LMO1: variants seen among roughly 807,000 people sequenced by gnomAD.
The protein encoded by LMO1 is LIM domain only 1.
LMO1 carries 10 observed loss-of-function variants against 18.0 expected under a neutral mutation model. The observed-to-expected ratio is 0.55, with a 90% confidence interval of 0.34 to 0.94. The LOEUF is 0.94. LMO1 is among the 40% of genes least tolerant of loss of function. The pLI is 0.02. For missense variants in LMO1, 183 were observed against 205.7 expected (o/e 0.89, Z 0.68); for synonymous variants, 77 against 77.9 (o/e 0.99, Z 0.06).
At chr11:8,257,744 G>A (rs916523584) in intron 1 of LMO1, among the ~76,000 whole-genome samples, 2 of 152,216 alleles carry the variant, frequency 1.3e-5, no homozygotes, top group African/African-American at 4.8e-5. Flanking sequence ...TGGTGATCTG[G>A]ACGTGGGCGA....
rs1360501059 is a variant in LMO1 at position 8,259,775 on chromosome 11, G to T, written c.25+3563C>A. On this transcript the variant is annotated intron_variant, in intron 1 of 3. Coordinates refer to ENST00000335790, the MANE Select transcript of LMO1 (RefSeq NM_002315.3). Reference sequence around the variant, plus strand: ...ACTGGTGGCCCAGCAAGGGCTGGTTGGTACCCAAGCATAGCCATGCGCCGG... The same window carrying T: ...ACTGGTGGCCCAGCAAGGGCTGGTTTGTACCCAAGCATAGCCATGCGCCGG... Among the ~76,000 whole-genome samples the T allele has an allele frequency of 3.9e-5, 6 of 152,214 alleles. No individual in the cohort carries two copies. In the East Asian group the frequency reaches 1.2e-3, roughly 29 times the overall value.
At chr11:8,228,652 C>CAA (rs34483450) in intron 2 of LMO1, among the ~76,000 whole-genome samples, 5 of 135,836 alleles carry the variant, frequency 3.7e-5, no homozygotes, top group Admixed American at 7.5e-5. Flanking sequence ...TCTGCCAGAG[C>CAA]AAAAAAAAAA....
At chr11:8,267,265 C>G (rs907690926), upstream of LMO1, among the ~76,000 whole-genome samples, 8 of 152,116 alleles carry the variant, frequency 5.3e-5, no homozygotes, top group Non-Finnish European at 1.2e-4. Flanking sequence ...CCTTGTGACT[C>G]AAGGGTTTCC....
At chr11:8,224,766 T>G (rs746330414) in intron 3 of LMO1, 45 bp from the exon 4 acceptor site, 1 of 1,325,102 alleles carries the variant, frequency 7.5e-7, no homozygotes, top group African/African-American at 1.5e-5. Context: ...AAGGTCCCAG[T>G]GGGTAAGGGG....
upstream of LMO1, chr11:8,268,639 AG>A (rs879518513): frequency 1.4e-5 from 5 of 346,628 alleles, no homozygotes; most frequent in Non-Finnish European, 2.5e-5. Context: ...GCGCAGGAGG[AG>A]GGACTGGGGG....
intron 1 of LMO1, among the ~76,000 whole-genome samples, chr11:8,252,282 G>A (rs1203099429): frequency 1.3e-5 from 2 of 152,186 alleles, no homozygotes; most frequent in African/African-American, 4.8e-5. Flanking sequence ...TTGTGAAGAT[G>A]AAATGAAAGA....
intron 1 of LMO1, among the ~76,000 whole-genome samples, chr11:8,249,086 G>C (rs990402790): frequency 6.6e-6 from 1 of 152,186 alleles, no homozygotes; most frequent in Non-Finnish European, 1.5e-5. Context: ...GCCCTGCTAC[G>C]GGGAGCTGAG....
chr11:8,230,267 G>C, intron 2 of LMO1, 24 bp downstream of exon 2: 1 of 1,609,048 alleles, frequency 6.2e-7, no homozygotes. Context: ...CAAGGGCTTG[G>C]GAGGCCAGGG....
intron 1 of LMO1, among the ~76,000 whole-genome samples, chr11:8,249,430 C>T (rs1171563031): frequency 6.6e-6 from 1 of 152,204 alleles, no homozygotes; most frequent in Admixed American, 6.5e-5. Flanking sequence ...ACCAAATGGT[C>T]TTAATAAAAT....
upstream of LMO1, among the ~76,000 whole-genome samples, chr11:8,266,036 C>T (rs1460978480): frequency 6.6e-6 from 1 of 152,190 alleles, no homozygotes; most frequent in East Asian, 1.9e-4. Context: ...TTTGGGGAGT[C>T]AGGGCCCTGT....
intron 1 of LMO1, among the ~76,000 whole-genome samples, chr11:8,240,718 C>T (rs1426952711): frequency 6.6e-6 from 1 of 152,070 alleles, no homozygotes; most frequent in African/African-American, 2.4e-5. Context: ...GCCCTCATGA[C>T]CTAATCACCC....
At position 8,228,369 on chromosome 11, in the gene LMO1, C is replaced by A. The variant is rs558489424; in HGVS notation, c.240-1269G>T. Among the ~76,000 whole-genome samples the A allele has an allele frequency of 1.3e-4, 20 of 152,376 alleles. No individual in the cohort carries two copies. The South Asian group carries it at 3.3e-3, about 25-fold the overall frequency. On this transcript the variant is annotated intron_variant, in intron 2 of 3. Coordinates refer to ENST00000335790, the MANE Select transcript of LMO1 (RefSeq NM_002315.3). ...GAAGAGGGTGGGGGGCCCCTTTAAT[C>A]CCCGATTTGTCCAGCTCAAACTCAG...
At chr11:8,225,404 CAAAAAAAAAAAAAAAA>C (rs34847129) in intron 3 of LMO1, among the ~76,000 whole-genome samples, 1 of 34,722 alleles carries the variant, frequency 2.9e-5, no homozygotes, top group Non-Finnish European at 6.4e-5. Flanking sequence ...GACTCCATCT[CAAAAAAAAAAAAAAAA>C]AAAAAAAAAA....
At chr11:8,238,981 C>A (rs909798802) in intron 1 of LMO1, among the ~76,000 whole-genome samples, 5 of 152,196 alleles carry the variant, frequency 3.3e-5, no homozygotes, top group African/African-American at 9.7e-5. Flanking sequence ...GCTGGGCTAA[C>A]CATCTTACAG....
At chr11:8,266,830 C>G (rs1590572362), upstream of LMO1, among the ~76,000 whole-genome samples, 1 of 152,230 alleles carries the variant, frequency 6.6e-6, no homozygotes, top group Non-Finnish European at 1.5e-5. Context: ...CACAATGCAG[C>G]TGCCTCCAAG....
At position 8,263,539 on chromosome 11, in the gene LMO1, C is replaced by T. The variant is rs1046394897; in HGVS notation, c.-177G>A. The T allele has an allele frequency of 2.9e-6, 4 of 1,367,464 alleles. No individual in the cohort carries two copies. In the African/African-American group the frequency reaches 4.6e-5, roughly 16 times the overall value. 84.7% of individuals were successfully genotyped at this position (1,367,464 alleles called of 1,614,324 possible). On this transcript the variant is annotated 5_prime_UTR_variant, in exon 1 of 4. Transcript: ENST00000335790. ...AATTACATTCAGGAGTGAAGCACTT[C>T]GCAGATACAAAAGCAGTCTCACCTA...
intron 1 of LMO1, among the ~76,000 whole-genome samples, chr11:8,236,467 A>C (rs1952761975): frequency 6.6e-6 from 1 of 151,724 alleles, no homozygotes; most frequent in Non-Finnish European, 1.5e-5. Context: ...CAACTTCCCA[A>C]AGTGCTGGGG....
intron 1 of LMO1, among the ~76,000 whole-genome samples, chr11:8,261,801 A>G (rs1259421225): frequency 2.0e-5 from 3 of 151,966 alleles, no homozygotes; most frequent in Non-Finnish European, 2.9e-5. Context: ...TTTTCATTCT[A>G]TATGAAGTTC....
chr11:8,262,188 C>G (rs572518762), intron 1 of LMO1, among the ~76,000 whole-genome samples: 35 of 152,334 alleles, frequency 2.3e-4, no homozygotes, highest in African/African-American at 8.4e-4. Context: ...AACGGAAGGG[C>G]AGAGGATGGC....
Sources: allele counts gnomAD v4.1 joint callset (sites outside exome capture counted in the v4.1 genomes callset), GRCh38; gene constraint gnomAD v4.1.1; transcripts MANE v1.5; gene names NCBI Gene and HGNC (gene_info 2026-07-23, HGNC 2026-07-21).